Variants in CCNH observed in about 807,000 individuals in gnomAD.
CCNH encodes cyclin H.
A neutral mutation model predicts 41.9 loss-of-function variants in CCNH; 31 were observed. The ratio of observed to expected loss-of-function variants is 0.74; its 90% CI spans 0.56 to 1.00. CCNH has a LOEUF of 1.00. Ranked by LOEUF, CCNH falls within the 50% of genes least tolerant of loss-of-function variation. The pLI is 0.00. For synonymous variants in CCNH, 138 were observed against 136.1 expected (o/e 1.01, Z -0.10); for missense variants, 362 against 388.4 (o/e 0.93, Z 0.57).
At position 87,383,644 on chromosome 5, in the gene CCNH, T is replaced by C. The variant is rs1761877602; in HGVS notation, c.*90+9126A>G. ...GTACTAAAAATTCTGTTTATATATA[T>C]TGTTTTAATGTAACACATTATATAG... On this transcript the variant is annotated intron_variant and NMD_transcript_variant, in intron 9 of 9. Coordinates refer to the CCNH transcript ENST00000645953. 2.5e-6 allele frequency: 3 copies of C among 1,186,078 alleles called. No homozygotes were observed. In the African/African-American group the frequency reaches 4.7e-5, roughly 19 times the overall value. 73.5% of individuals were successfully genotyped at this position (1,186,078 alleles called of 1,614,324 possible).
chr5:87,393,437 C>T (rs1289777375), downstream of CCNH: 1 of 152,098 alleles, frequency 6.6e-6, no homozygotes. Flanking sequence ...TTTATCTTCC[C>T]CATTTTCAGT....
chr5:87,347,428 C>T (rs1009635170), intron 9 of CCNH, among the ~76,000 whole-genome samples: 6 of 151,762 alleles, frequency 4.0e-5, no homozygotes, highest in African/African-American at 9.7e-5. Flanking sequence ...ATTTAAATAC[C>T]GAGCATTTCT....
chr5:87,381,962 A>AT (rs1329643392), upstream of CCNH, among the ~76,000 whole-genome samples: 1 of 152,020 alleles, frequency 6.6e-6, no homozygotes, highest in Non-Finnish European at 1.5e-5. Context: ...CTTAATTGTT[A>AT]TTTTTTTGAG....
At chr5:87,395,934 C>T (rs1418858814) in intron 7 of CCNH, among the ~76,000 whole-genome samples, 1 of 151,724 alleles carries the variant, frequency 6.6e-6, no homozygotes, top group Non-Finnish European at 1.5e-5. Flanking sequence ...TTGTGAAAAA[C>T]AATAGAATAT....
rs373059169 is a variant in CCNH at position 87,376,982 on chromosome 5, C to T, written n.199G>A. 335 of 1,613,504 alleles carry T rather than the reference C, an allele frequency of 2.1e-4. No homozygotes were observed. The highest frequency in any genetic ancestry group is 1.1e-4 in the Non-Finnish European group (126 of 1,179,552). ...GCATCCTACTGAGGATTTTTCTTCA[C>T]GAAAAGCTTGAATCGTTGTTGTTAT... is the stretch of plus-strand genomic sequence containing the variant. On this transcript the variant is annotated non_coding_transcript_exon_variant, in exon 1 of 1. Coordinates refer to the CCNH transcript ENST00000607486.
chr5:87,411,795 G>T (rs934221443), intron 1 of CCNH, among the ~76,000 whole-genome samples: 2 of 152,170 alleles, frequency 1.3e-5, no homozygotes, highest in African/African-American at 4.8e-5. Context: ...AGTTTGTGGT[G>T]ATTTTTTTAA....
At chr5:87,342,521 G>A (rs997713503) in intron 9 of CCNH, among the ~76,000 whole-genome samples, 4 of 152,082 alleles carry the variant, frequency 2.6e-5, no homozygotes, top group Non-Finnish European at 4.4e-5. Context: ...CAAGTGAAGC[G>A]GGTCAAGTAT....
chr5:87,371,678 C>T (rs1156345013), downstream of CCNH, among the ~76,000 whole-genome samples: 1 of 152,068 alleles, frequency 6.6e-6, no homozygotes, highest in Non-Finnish European at 1.5e-5. Context: ...TCGGTCATCA[C>T]ATTATCAGTT....
At chr5:87,412,378 A>G in intron 1 of CCNH, 2 of 1,121,284 alleles carry the variant, frequency 1.8e-6, no homozygotes, top group Non-Finnish European at 2.2e-6. Context: ...CTTCCCCAAC[A>G]TCATCTCTTG....
intron 6 of CCNH, among the ~76,000 whole-genome samples, chr5:87,400,709 T>G (rs1360601283): frequency 6.6e-6 from 1 of 152,160 alleles, no homozygotes; most frequent in Non-Finnish European, 1.5e-5. Context: ...AAAATCAAGA[T>G]TTCAATCTTA....
intron 6 of CCNH, among the ~76,000 whole-genome samples, chr5:87,401,240 T>G (rs1763384516): frequency 1.3e-5 from 2 of 152,226 alleles, no homozygotes; most frequent in Non-Finnish European, 1.5e-5. Flanking sequence ...ACTCCAATTT[T>G]CAAGGCAAGC....
At chr5:87,386,850 C>G (rs1313269518), downstream of CCNH, 2 of 1,612,760 alleles carry the variant, frequency 1.2e-6, no homozygotes, top group East Asian at 4.5e-5. Flanking sequence ...AGGTGTCAAT[C>G]CATTCATCAA....
chr5:87,335,540 C>T (rs2112378990), intron 9 of CCNH, among the ~76,000 whole-genome samples: 1 of 150,758 alleles, frequency 6.6e-6, no homozygotes, highest in Non-Finnish European at 1.5e-5. Flanking sequence ...ATTCTCCTGC[C>T]TCAGCCTCCT....
chr5:87,379,976 T>C (rs1251127771), upstream of CCNH: 2 of 995,920 alleles, frequency 2.0e-6, no homozygotes, highest in South Asian at 1.5e-5. Context: ...TCATGGTTAA[T>C]CTTTATGAGA....
In CCNH at chr5:87,338,531, AT is replaced by A. The variant is rs1184809911; in HGVS notation, c.*91-19635del. Among the ~76,000 whole-genome samples the A allele has an allele frequency of 1.8e-3, 148 of 81,036 alleles. 1 individual carries two copies. The highest frequency in any genetic ancestry group is 5.7e-3 in the Admixed American group (48 of 8,354). 53.2% of individuals were successfully genotyped at this position (81,036 alleles called of 152,430 possible). A position where few individuals can be genotyped will look rare whatever the true frequency, so the allele number is the denominator to read the frequency against. ...TATATATATATATATATATATATAT[AT>A]AAAATTTTTTTTTTTTTTAAGTAGA... On this transcript the variant is annotated intron_variant and NMD_transcript_variant, in intron 9 of 9. Coordinates refer to the CCNH transcript ENST00000645953.
chr5:87,328,608 A>G (rs998109384), intron 9 of CCNH, among the ~76,000 whole-genome samples: 6 of 152,122 alleles, frequency 3.9e-5, no homozygotes, highest in African/African-American at 1.4e-4. Flanking sequence ...TCCCACCTGA[A>G]ATAAAAAGAA....
chr5:87,406,476 C>T (rs1475734846), intron 4 of CCNH, among the ~76,000 whole-genome samples: 1 of 152,144 alleles, frequency 6.6e-6, no homozygotes, highest in Non-Finnish European at 1.5e-5. Context: ...TACCTAACTA[C>T]AGGCTAAGCA....
At chr5:87,372,269 A>G (rs1761004245), downstream of CCNH, 7 of 1,393,998 alleles carry the variant, frequency 5.0e-6, no homozygotes, top group Non-Finnish European at 7.1e-6. Flanking sequence ...TTTTATTTTT[A>G]TCTGAACTGT....
At position 87,338,920 on chromosome 5, in the gene CCNH, G is replaced by T. The variant is rs531175115; in HGVS notation, c.*91-20023C>A. ...TTCCATCATATAATACGTTATCATG[G>T]TATCAATTACCAGGTGCATTTTTAA... is the stretch of plus-strand genomic sequence containing the variant. On this transcript the variant is annotated intron_variant and NMD_transcript_variant, in intron 9 of 9. Coordinates refer to the CCNH transcript ENST00000645953. Among the ~76,000 whole-genome samples, 4 of 151,934 alleles carry T rather than the reference G, an allele frequency of 2.6e-5. No homozygotes were observed. The East Asian group carries it at 7.7e-4, about 29-fold the overall frequency.
Sources: allele counts gnomAD v4.1 joint callset (sites outside exome capture counted in the v4.1 genomes callset), GRCh38; gene constraint gnomAD v4.1.1; transcripts MANE v1.5; gene names NCBI Gene and HGNC (gene_info 2026-07-23, HGNC 2026-07-21).